Variants in TMCC3 observed in about 807,000 individuals in gnomAD.
The protein encoded by TMCC3 is transmembrane and coiled-coil domain family 3, also known as transmembrane and coiled-coil domain protein 3.
A neutral mutation model predicts 40.2 loss-of-function variants in TMCC3; 28 were observed. The observed-to-expected ratio is 0.70, with a 90% confidence interval of 0.52 to 0.95. The LOEUF is 0.95. Ranked by LOEUF, TMCC3 falls within the 40% of genes least tolerant of loss-of-function variation. The pLI, the probability that TMCC3 is intolerant of heterozygous loss-of-function variation, is 0.00. For missense variants in TMCC3, 554 were observed against 615.2 expected (o/e 0.90, Z 1.05); for synonymous variants, 255 against 248.5 (o/e 1.03, Z -0.25).
At chr12:94,648,890 C>T (rs953158749) in intron 1 of TMCC3, among the ~76,000 whole-genome samples, 1 of 152,178 alleles carries the variant, frequency 6.6e-6, no homozygotes, top group African/African-American at 2.4e-5. Context: ...TTACAGAATC[C>T]TCTCAATTAC....
chr12:94,628,279 G>A (rs1345306842), intron 1 of TMCC3, among the ~76,000 whole-genome samples: 2 of 152,164 alleles, frequency 1.3e-5, no homozygotes, highest in Non-Finnish European at 2.9e-5. Flanking sequence ...GACATTAGGG[G>A]AGGCAAAGAG....
Position 94,568,868 on chromosome 12 carries a change from T to C in TMCC3, c.*2567A>G, listed in dbSNP as rs1266566874. ...ATTTCAAAGGAATTCATGATCCAGGTAGGAGGATTTAGATCCTACGGTATG... is the reference window on the plus strand; with the variant it reads ...ATTTCAAAGGAATTCATGATCCAGGCAGGAGGATTTAGATCCTACGGTATG... On this transcript the variant is annotated 3_prime_UTR_variant, in exon 4 of 4. Transcript: ENST00000261226. The C allele has an allele frequency of 3.9e-5, 6 of 152,202 alleles. No homozygotes were observed. In the South Asian group the frequency reaches 6.2e-4, roughly 16 times the overall value. The allele number at this position is 152,202 out of a possible 1,614,324, so 9.4% of individuals were successfully genotyped here.
At chr12:94,573,388 C>T (rs75835851) in intron 3 of TMCC3, among the ~76,000 whole-genome samples, 2,254 of 152,256 alleles carry the variant, frequency 0.015, 31 homozygotes, top group African/African-American at 0.038. Flanking sequence ...CTTACGAATC[C>T]ATTTTCCACA....
chr12:94,632,292 T>C (rs1480320671), intron 1 of TMCC3, among the ~76,000 whole-genome samples: 1 of 152,252 alleles, frequency 6.6e-6, no homozygotes, highest in Non-Finnish European at 1.5e-5. Context: ...AATTTTACTG[T>C]ATGTAAATTT....
rs2068723330 is a variant in TMCC3, at chr12:94,597,240, A to C, written c.79-14702T>G. ...TGAGGTGGGAGGACTGATTGAACCC[A>C]GGAGTTTGAGGCTGCAGTGAACTAT... On this transcript the variant is annotated intron_variant, in intron 1 of 3. Coordinates refer to ENST00000261226, the MANE Select transcript of TMCC3 (RefSeq NM_020698.4). 4.8e-5 allele frequency among the ~76,000 whole-genome samples: 7 copies of C among 145,988 alleles called. No homozygotes were observed. In the South Asian group the frequency reaches 1.5e-3, roughly 32 times the overall value.
At chr12:94,612,344 C>T (rs1264057512) in intron 1 of TMCC3, among the ~76,000 whole-genome samples, 10 of 151,152 alleles carry the variant, frequency 6.6e-5, no homozygotes, top group Admixed American at 4.6e-4. Context: ...TGGAGTCTCG[C>T]TCTGTCACCA....
intron 1 of TMCC3, among the ~76,000 whole-genome samples, chr12:94,597,124 C>CATACATACAT (rs1491316794): frequency 3.4e-5 from 1 of 29,836 alleles, no homozygotes; most frequent in African/African-American, 9.9e-5. Flanking sequence ...TATTAAAATA[C>CATACATACAT]ATATATATAT....
intron 1 of TMCC3, among the ~76,000 whole-genome samples, chr12:94,583,480 AC>A (rs748743917): frequency 6.6e-6 from 1 of 152,160 alleles, no homozygotes; most frequent in African/African-American, 2.4e-5. Flanking sequence ...CTCTATCTAG[AC>A]TGGGCAACAG....
intron 1 of TMCC3, chr12:94,598,684 G>A (rs75354186): frequency 1.6e-5 from 16 of 985,366 alleles, no homozygotes; most frequent in African/African-American, 1.7e-5. Context: ...ATGCTCTGCC[G>A]TCAATAAGAG....
At chr12:94,630,474 A>G (rs12317906) in intron 1 of TMCC3, among the ~76,000 whole-genome samples, 8,675 of 152,084 alleles carry the variant, frequency 0.057, 789 homozygotes, top group African/African-American at 0.2. Flanking sequence ...CTTTTCACTT[A>G]GTGGGATGAT....
intron 1 of TMCC3, among the ~76,000 whole-genome samples, chr12:94,640,441 C>T (rs969828091): frequency 7.9e-5 from 12 of 152,198 alleles, no homozygotes; most frequent in Non-Finnish European, 1.3e-4. Flanking sequence ...ACCTTGGCCT[C>T]CCACAGTGCT....
Position 94,570,649 on chromosome 12 carries a change from C to T in TMCC3, c.*786G>A, listed in dbSNP as rs2068521717. ...CCTTCAGAGTAGTGCTCACAGGATT[C>T]CAAATTAATGTTAAAGTCACAGTCT... On this transcript the variant is annotated 3_prime_UTR_variant, in exon 4 of 4. Coordinates refer to ENST00000261226, the MANE Select transcript of TMCC3 (RefSeq NM_020698.4). The T allele has an allele frequency of 6.6e-6, 1 of 152,560 alleles. No homozygotes were observed. Among genetic ancestry groups the T allele is most frequent in the Non-Finnish European group, 1.5e-5 (1 of 68,028 alleles). 9.5% of individuals were successfully genotyped at this position (152,560 alleles called of 1,614,324 possible).
chr12:94,618,774 T>C (rs1326195802), intron 1 of TMCC3, among the ~76,000 whole-genome samples: 3 of 152,200 alleles, frequency 2.0e-5, no homozygotes, highest in African/African-American at 7.2e-5. Flanking sequence ...CCATCCTTCT[T>C]AGCCAACCTC....
intron 1 of TMCC3, among the ~76,000 whole-genome samples, chr12:94,599,840 T>TA (rs2068741919): frequency 6.6e-6 from 1 of 152,224 alleles, no homozygotes; most frequent in Non-Finnish European, 1.5e-5. Flanking sequence ...AAGACATATC[T>TA]AATGATTATA....
chr12:94,614,195 C>A (rs1319813092), intron 1 of TMCC3, among the ~76,000 whole-genome samples: 1 of 151,736 alleles, frequency 6.6e-6, no homozygotes, highest in African/African-American at 2.4e-5. Flanking sequence ...TTCTGTCAAT[C>A]CTATTGCTTT....
intron 1 of TMCC3, among the ~76,000 whole-genome samples, chr12:94,640,608 A>G (rs1349136881): frequency 6.6e-6 from 1 of 152,232 alleles, no homozygotes; most frequent in East Asian, 1.9e-4. Context: ...AGAAATATCA[A>G]GCAAATAACA....
chr12:94,586,776 C>A (rs1369544273), intron 1 of TMCC3, among the ~76,000 whole-genome samples: 2 of 152,224 alleles, frequency 1.3e-5, no homozygotes, highest in Non-Finnish European at 2.9e-5. Context: ...AATGTTTATG[C>A]ACAGATGGCC....
intron 1 of TMCC3, among the ~76,000 whole-genome samples, chr12:94,641,609 T>C (rs1273185213): frequency 6.6e-6 from 1 of 152,144 alleles, no homozygotes; most frequent in African/African-American, 2.4e-5. Context: ...AAGGACTAGG[T>C]GAAGTTTTAG....
chr12:94,650,480 C>G lies in TMCC3; in HGVS notation c.-50G>C. 8.1e-7 allele frequency: 1 copy of G among 1,229,386 alleles called. No homozygotes were observed. Among genetic ancestry groups the G allele is most frequent in the Non-Finnish European group, 1.0e-6 (1 of 980,230 alleles). 76.2% of individuals were successfully genotyped at this position (1,229,386 alleles called of 1,614,324 possible). A position where few individuals can be genotyped will look rare whatever the true frequency, so the allele number is the denominator to read the frequency against. On this transcript the variant is annotated 5_prime_UTR_variant, in exon 1 of 4. Coordinates refer to ENST00000261226, the MANE Select transcript of TMCC3 (RefSeq NM_020698.4). ...CCCGTCTTCTGGGGCTGCCGCGCCG[C>G]GAGCCACCGGCTGTGCTCGGGATCA...
Sources: gnomAD v4.1 joint callset for allele counts (sites outside exome capture counted in the v4.1 genomes callset) on GRCh38, gnomAD v4.1.1 for gene constraint, MANE v1.5 for transcripts, NCBI Gene and HGNC (gene_info 2026-07-23, HGNC 2026-07-21) for gene names.